MARCHF10: variants seen among roughly 807,000 people sequenced by gnomAD.
The protein encoded by MARCHF10 is probable E3 ubiquitin-protein ligase MARCHF10.
Under a neutral mutation model 76.2 loss-of-function variants are expected in MARCHF10, and 64 were observed. That is an observed-to-expected ratio of 0.84 (90% CI 0.69 to 1.03). MARCHF10 has a LOEUF of 1.03. Among genes scored for constraint, MARCHF10 ranks in the 50% least tolerant of loss-of-function variants. MARCHF10 has a pLI of 0.00. For synonymous variants in MARCHF10, 340 were observed against 357.5 expected (o/e 0.95, Z 0.55); for missense variants, 875 against 958.0 (o/e 0.91, Z 1.14).
In MARCHF10 at chr17:62,736,509, G is replaced by A. The variant is rs752807713; in HGVS notation, c.1359C>T (p.Tyr453=). ...YLNSSQNSLD[Y]FISGRPISPR... is the part of the protein sequence containing the mutation. The stretch of plus-strand genomic sequence containing the variant: ...GAGATATTGGTCTGCCAGAAATAAA[G>A]TAGTCAAGAGAATTTTGAGAACTGT... Residue 453 remains tyrosine (Y), a synonymous_variant, in exon 6 of 11, where the codon TAC becomes TAT. Transcript: ENST00000311269. 1 of 1,614,192 alleles carries A rather than the reference G, an allele frequency of 6.2e-7. No individual in the cohort carries two copies. The highest frequency in any genetic ancestry group is 2.2e-5 in the East Asian group (1 of 44,896).
chr17:62,708,975 G>C (rs543769228), intron 9 of MARCHF10, among the ~76,000 whole-genome samples: 2 of 152,314 alleles, frequency 1.3e-5, no homozygotes, highest in South Asian at 4.1e-4. Context: ...AATTCACTGG[G>C]TCCACTAGTT....
chr17:62,756,200 A>C (rs958697480), intron 4 of MARCHF10, among the ~76,000 whole-genome samples: 3 of 152,124 alleles, frequency 2.0e-5, no homozygotes, highest in African/African-American at 7.2e-5. Context: ...GTAAGCCGAG[A>C]TCGCGCCATT....
intron 9 of MARCHF10, among the ~76,000 whole-genome samples, chr17:62,709,815 A>G (rs541950571): frequency 6.6e-6 from 1 of 152,094 alleles, no homozygotes; most frequent in Admixed American, 6.5e-5. Context: ...GGTGGCACCA[A>G]TCATGGCTCA....
rs950280622 is a variant in MARCHF10, at chr17:62,738,722, G to A, written c.536-1390C>T. 7.2e-5 allele frequency among the ~76,000 whole-genome samples: 11 copies of A among 152,246 alleles called. No individual in the cohort carries two copies. Among genetic ancestry groups the A allele is most frequent in the East Asian group, 1.9e-4 (1 of 5,182 alleles). Reference sequence around the variant, plus strand: ...GTGAGTCTCTAATGTCCTAACACTCGGGCAGCTTCTTTTATTGTTAACTGC... The same window carrying A: ...GTGAGTCTCTAATGTCCTAACACTCAGGCAGCTTCTTTTATTGTTAACTGC... On this transcript the variant is annotated intron_variant, in intron 5 of 10. Coordinates refer to ENST00000311269, the MANE Select transcript of MARCHF10 (RefSeq NM_152598.4). This position sits in a 1 kb window ranked among gnomAD's most constrained non-coding sequence, Gnocchi z 4.0.
intron 2 of MARCHF10, among the ~76,000 whole-genome samples, chr17:62,798,963 G>A (rs531509910): frequency 4.0e-4 from 61 of 152,292 alleles, no homozygotes; most frequent in African/African-American, 1.4e-3. Flanking sequence ...AGCCTGGAGC[G>A]AATGGGAGGA....
chr17:62,793,067 ACACCTCCATCACCACCAC>A (rs2092895375), intron 2 of MARCHF10, among the ~76,000 whole-genome samples: 1 of 71,534 alleles, frequency 1.4e-5, no homozygotes, highest in Non-Finnish European at 2.9e-5. Flanking sequence ...ATCACTACCA[ACACCTCCATCACCACCAC>A]CACCTCCATT....
intron 3 of MARCHF10, chr17:62,781,040 C>A (rs1409326598): frequency 6.6e-6 from 1 of 152,144 alleles, no homozygotes; most frequent in Non-Finnish European, 1.5e-5. Context: ...TATCCAGAAG[C>A]CTCTTTGCTT....
At chr17:62,784,550 AG>A (rs2092714816) in intron 3 of MARCHF10, among the ~76,000 whole-genome samples, 1 of 152,202 alleles carries the variant, frequency 6.6e-6, no homozygotes, top group African/African-American at 2.4e-5. Context: ...AAAGAAATAA[AG>A]GGTATTCAAT....
intron 6 of MARCHF10, among the ~76,000 whole-genome samples, chr17:62,730,556 T>C (rs1386345925): frequency 6.6e-6 from 1 of 152,064 alleles, no homozygotes; most frequent in Non-Finnish European, 1.5e-5. Flanking sequence ...TTGAGGAGTA[T>C]GTATTGTTAT....
intron 1 of MARCHF10, among the ~76,000 whole-genome samples, chr17:62,802,840 G>A (rs2093099224): frequency 6.6e-6 from 1 of 152,204 alleles, no homozygotes; most frequent in Non-Finnish European, 1.5e-5. Flanking sequence ...AGGGCTGCAG[G>A]GGAGGCAGGG....
intron 10 of MARCHF10, among the ~76,000 whole-genome samples, chr17:62,704,463 C>T (rs2089451897): frequency 6.6e-6 from 1 of 152,226 alleles, no homozygotes; most frequent in African/African-American, 2.4e-5. Context: ...CTCTCCGGGT[C>T]TCTGAAAATG....
chr17:62,703,933 G>T (rs71375872), intron 10 of MARCHF10, among the ~76,000 whole-genome samples: 8,333 of 152,264 alleles, frequency 0.055, 362 homozygotes, highest in African/African-American at 0.12. Context: ...GGCGCGGCTC[G>T]CCCTGGGCAC....
At chr17:62,729,730 C>T (rs2090931657) in intron 6 of MARCHF10, among the ~76,000 whole-genome samples, 2 of 151,912 alleles carry the variant, frequency 1.3e-5, no homozygotes, top group African/African-American at 4.8e-5. Flanking sequence ...TGTGTCATTA[C>T]ACCCAGAGAA....
chr17:62,723,264 T>C (rs76650548), intron 7 of MARCHF10, among the ~76,000 whole-genome samples: 2,408 of 150,628 alleles, frequency 0.016, 53 homozygotes, highest in African/African-American at 0.056. Flanking sequence ...TATTCCCCAA[T>C]GCAAAAGTGG....
At position 62,764,170 on chromosome 17, in the gene MARCHF10, G is replaced by A. The variant is rs532338171; in HGVS notation, c.211-4164C>T. On this transcript the variant is annotated intron_variant, in intron 3 of 10. Transcript: ENST00000311269. ...ACAATATGGTGTCTGAAATGATAAG[G>A]CGACAGTGAACAGAGATGACCCGAA... Among the ~76,000 whole-genome samples the A allele has an allele frequency of 5.9e-5, 9 of 152,302 alleles. No individual in the cohort carries two copies. The South Asian group carries it at 1.9e-3, about 32-fold the overall frequency.
At chr17:62,755,337 AG>A (rs1467222915) in intron 4 of MARCHF10, among the ~76,000 whole-genome samples, 1 of 152,130 alleles carries the variant, frequency 6.6e-6, no homozygotes, top group Non-Finnish European at 1.5e-5. Context: ...TTAGGACTCC[AG>A]GTGCCAGAAT....
At chr17:62,788,687 A>T (rs1189983307) in intron 2 of MARCHF10, 88 bp from the exon 3 acceptor site, 10 of 1,538,400 alleles carry the variant, frequency 6.5e-6, no homozygotes, top group Non-Finnish European at 8.0e-6. Context: ...GAGGAGCATG[A>T]AATAAATGAT....
intron 8 of MARCHF10, among the ~76,000 whole-genome samples, chr17:62,717,222 G>A (rs984083526): frequency 6.6e-6 from 1 of 152,214 alleles, no homozygotes; most frequent in South Asian, 2.1e-4. Flanking sequence ...GCAGGTCATG[G>A]GGACAGTCAG....
In MARCHF10 at chr17:62,738,060, T is replaced by TACACA. The variant is rs1555696218; in HGVS notation, c.536-729_536-728insTGTGT. 7.9e-6 allele frequency: 1 copy of TACACA among 127,312 alleles called. No homozygotes were observed. The allele number at this position is 127,312 out of a possible 1,614,324, so 7.9% of individuals were successfully genotyped here. A position where few individuals can be genotyped will look rare whatever the true frequency, so the allele number is the denominator to read the frequency against. Reference sequence around the variant, plus strand: ...AACTGTCTCTCTCTGTCTCTCTCTGTCACACACACACACACACACACACAC... The same window carrying TACACA: ...AACTGTCTCTCTCTGTCTCTCTCTGTACACACACACACACACACACACACACACAC... On this transcript the variant is annotated intron_variant, in intron 5 of 10. Transcript: ENST00000311269. The surrounding 1 kb of genome is among the most constrained non-coding windows in gnomAD (Gnocchi z 4.0).
Sources: allele counts gnomAD v4.1 joint callset (sites outside exome capture counted in the v4.1 genomes callset), GRCh38; gene constraint gnomAD v4.1.1; non-coding constraint Gnocchi (gnomAD v3.1); transcripts MANE v1.5; gene names NCBI Gene and HGNC (gene_info 2026-07-23, HGNC 2026-07-21).